ZKSCAN7: variants seen among roughly 807,000 people sequenced by gnomAD.
ZKSCAN7 encodes the protein zinc finger with KRAB and SCAN domains 7.
Under a neutral mutation model 65.3 loss-of-function variants are expected in ZKSCAN7, and 38 were observed. The observed-to-expected ratio is 0.58, with a 90% CI of 0.45 to 0.76. The LOEUF is 0.76. Ranked by LOEUF, ZKSCAN7 falls within the 30% of genes least tolerant of loss-of-function variation. The pLI is 0.00. For missense variants in ZKSCAN7, 815 were observed against 913.3 expected, an observed-to-expected ratio of 0.89 and a Z score of 1.39; for synonymous variants, 321 against 321.0, an observed-to-expected ratio of 1.00 and a Z score of 0.00.
downstream of ZKSCAN7, among the ~76,000 whole-genome samples, chr3:44,576,750 A>G (rs1699930771): frequency 6.6e-6 from 1 of 152,230 alleles, no homozygotes; most frequent in South Asian, 2.1e-4. Flanking sequence ...CTTCAGCAGT[A>G]GAGAAGCAGC....
In ZKSCAN7 at chr3:44,557,190, C is replaced by T; in HGVS notation, c.143C>T (p.Pro48Leu). ...QGSSLQKNYPPVCEIFRLHFR... is the reference protein window; with the variant it reads ...QGSSLQKNYPLVCEIFRLHFR... ...AGCAGTCTCCAGAAGAACTATCCTC[C>T]TGTCTGCGAAATCTTCCGGCTACAC... Residue 48 changes from proline to leucine, a missense_variant, in exon 2 of 6, where the codon CCT becomes CTT. Around this residue, in one of 3 missense-constraint regions of ZKSCAN7, gnomAD observed 227 missense variants for 253.3 expected, o/e 0.90. Coordinates refer to ENST00000426540, the MANE Select transcript of ZKSCAN7 (RefSeq NM_001288590.2). The T allele has an allele frequency of 6.2e-7, 1 of 1,614,278 alleles. No homozygotes were observed. The highest frequency in any genetic ancestry group is 8.5e-7 in the Non-Finnish European group (1 of 1,180,052).
chr3:44,568,513 T>C (rs1699700574), intron 5 of ZKSCAN7, 80 bp downstream of exon 5: 2 of 1,539,690 alleles, frequency 1.3e-6, no homozygotes, highest in Admixed American at 2.1e-5. Context: ...CTTTAAACTT[T>C]TTACCATGAA....
At chr3:44,564,329 T>C (rs1699568589) in intron 2 of ZKSCAN7, among the ~76,000 whole-genome samples, 1 of 152,242 alleles carries the variant, frequency 6.6e-6, no homozygotes, top group African/African-American at 2.4e-5. Flanking sequence ...GTAGTACATA[T>C]TGAAAACTGA....
At chr3:44,583,118 G>A (rs899408730) in exon 6 of ZKSCAN7, 1 of 300,550 alleles carries the variant, frequency 3.3e-6, no homozygotes, top group African/African-American at 2.3e-5. Flanking sequence ...AGTAGAGACG[G>A]GGTTTCACCA....
chr3:44,560,426 G>A (rs918116147), intron 2 of ZKSCAN7, among the ~76,000 whole-genome samples: 2 of 151,834 alleles, frequency 1.3e-5, no homozygotes, highest in African/African-American at 2.4e-5. Context: ...TGTGCACATT[G>A]TGGCTGGGAA....
intron 2 of ZKSCAN7, 91 bp from the exon 3 acceptor site, chr3:44,565,396 G>A: frequency 7.6e-7 from 1 of 1,315,484 alleles, no homozygotes; most frequent in Non-Finnish European, 1.0e-6. Flanking sequence ...CTTTTCCCTG[G>A]CTTTCTTTCT....
At chr3:44,572,849 C>CAAAAAAAAAAAAAAA (rs11339297), downstream of ZKSCAN7, among the ~76,000 whole-genome samples, 147 of 72,368 alleles carry the variant, frequency 2.0e-3, 1 homozygote, top group Non-Finnish European at 2.9e-3. Flanking sequence ...GACTCTGTCT[C>CAAAAAAAAAAAAAAA]AAAAAAAAAA....
intron 2 of ZKSCAN7, 50 bp from the exon 3 acceptor site, chr3:44,565,437 G>A (rs761360814): frequency 6.5e-5 from 99 of 1,513,484 alleles, no homozygotes; most frequent in Non-Finnish European, 8.3e-5. Flanking sequence ...TTTGGGTTCA[G>A]TACCTTCAAG....
downstream of ZKSCAN7, among the ~76,000 whole-genome samples, chr3:44,572,549 A>G (rs1420453094): frequency 1.3e-5 from 2 of 152,142 alleles, no homozygotes; most frequent in South Asian, 2.1e-4. Flanking sequence ...TCCTAAATCA[A>G]CAGATTAAGA....
chr3:44,581,082 G>A, intron 5 of ZKSCAN7: 2 of 1,135,696 alleles, frequency 1.8e-6, no homozygotes, highest in East Asian at 5.3e-5. Flanking sequence ...CTCCCGGCGG[G>A]CTAGGGGCTC....
intron 3 of ZKSCAN7, 84 bp from the exon 4 acceptor site, chr3:44,567,828 C>T: frequency 1.7e-6 from 1 of 596,698 alleles, no homozygotes; most frequent in South Asian, 2.1e-5. Flanking sequence ...CCTGGGTTCT[C>T]TTGAATCCAC....
At chr3:44,580,561 G>A in intron 5 of ZKSCAN7, 2 of 1,613,940 alleles carry the variant, frequency 1.2e-6, no homozygotes, top group Admixed American at 3.3e-5. Context: ...TTCTTCTTCT[G>A]ATTCTGCTTG....
At chr3:44,562,652 C>T (rs1198743816) in intron 2 of ZKSCAN7, among the ~76,000 whole-genome samples, 1 of 152,164 alleles carries the variant, frequency 6.6e-6, no homozygotes. Flanking sequence ...TAGAAACAGC[C>T]AGGTCACTTC....
At chr3:44,576,067 G>A (rs1699917087), downstream of ZKSCAN7, among the ~76,000 whole-genome samples, 1 of 151,794 alleles carries the variant, frequency 6.6e-6, no homozygotes, top group African/African-American at 2.4e-5. Context: ...TTTTTCCCCT[G>A]GTGTTTGGAT....
Position 44,570,258 on chromosome 3 carries a change from A to T in ZKSCAN7, c.1148A>T (p.Tyr383Phe), listed in dbSNP as rs767976873. The T allele has an allele frequency of 6.2e-7, 1 of 1,614,236 alleles. No individual in the cohort carries two copies. The highest frequency in any genetic ancestry group is 1.7e-5 in the Admixed American group (1 of 60,020). ...HEGVLKGQKS[Y>F]RCDECGKAFN... ...GGAGTTTTAAAGGGACAGAAATCCT[A>T]TCGATGTGATGAATGTGGCAAAGCT... Residue 383 changes from tyrosine to phenylalanine, a missense_variant, in exon 6 of 6, where the codon TAT becomes TTT. By Grantham distance (22) the Tyr-to-Phe change is conservative (BLOSUM62 3). Coordinates refer to ENST00000426540, the MANE Select transcript of ZKSCAN7 (RefSeq NM_001288590.2).
At chr3:44,577,151 G>A (rs948118713), downstream of ZKSCAN7, among the ~76,000 whole-genome samples, 1 of 152,012 alleles carries the variant, frequency 6.6e-6, no homozygotes, top group African/African-American at 2.4e-5. Flanking sequence ...AATTTTTATA[G>A]AGACAGGAGT....
In ZKSCAN7 at chr3:44,570,692, T is replaced by G; in HGVS notation, c.1582T>G (p.Cys528Gly). The change falls in exon 6 of 6, where the codon TGT becomes GGT. Residue 528 changes from cysteine to glycine, a missense_variant. Transcript: ENST00000426540. ...TAAGAAACCTTACAAATGCAATGAG[T>G]GTGGGAGAGCATTCTGTTCCAATAG... ...TGKKPYKCNE[C>G]GRAFCSNRNL... The G allele has an allele frequency of 6.2e-7, 1 of 1,614,046 alleles. No homozygotes were observed. The highest frequency in any genetic ancestry group is 1.1e-5 in the South Asian group (1 of 91,072).
At chr3:44,583,456 A>G (rs1700140761) in exon 6 of ZKSCAN7, 1 of 152,270 alleles carries the variant, frequency 6.6e-6, no homozygotes, top group Non-Finnish European at 1.5e-5. Context: ...AATACTGAAT[A>G]TTTGTCAATT....
chr3:44,570,746 A>T lies in ZKSCAN7; in HGVS notation c.1636A>T (p.Thr546Ser). The T allele has an allele frequency of 6.2e-7, 1 of 1,614,190 alleles. No homozygotes were observed. Among genetic ancestry groups the T allele is most frequent in the Non-Finnish European group, 8.5e-7 (1 of 1,180,030 alleles). The stretch of plus-strand genomic sequence containing the variant: ...TCTCATTGACCATCAGAGAATCCAC[A>T]CTGGGGAGAAGCCTTATGAGTGTAG... The part of the protein sequence containing the change: ...RNLIDHQRIH[T>S]GEKPYECSEC... The change falls in exon 6 of 6, where the codon ACT becomes TCT. Residue 546 changes from threonine (T) to serine (S), a missense_variant. Physicochemically the swap from Thr to Ser is moderately conservative, Grantham distance 58. Transcript: ENST00000426540.
Sources: allele counts gnomAD v4.1 joint callset (sites outside exome capture counted in the v4.1 genomes callset), GRCh38; gene constraint gnomAD v4.1.1; regional missense constraint gnomAD v4.1.1; transcripts MANE v1.5; gene names NCBI Gene and HGNC (gene_info 2026-07-23, HGNC 2026-07-21).